Variants in PTPRF observed in about 807,000 individuals in gnomAD.
PTPRF encodes protein tyrosine phosphatase receptor type F, also known as receptor-type tyrosine-protein phosphatase F.
A neutral mutation model predicts 201.8 loss-of-function variants in PTPRF; 59 were observed. The ratio of observed to expected loss-of-function variants is 0.29; its 90% CI spans 0.24 to 0.36. PTPRF has a LOEUF of 0.36. PTPRF is among the 10% of genes least tolerant of loss of function. PTPRF has a pLI of 1.00. For synonymous variants in PTPRF, 1,088 were observed against 1,089.7 expected, an observed-to-expected ratio of 1.00 and a Z score of 0.03; for missense variants, 2,132 against 2,690.5, an observed-to-expected ratio of 0.79 and a Z score of 4.59.
At chr1:43,571,262 C>G (rs1646549426) in intron 6 of PTPRF, among the ~76,000 whole-genome samples, 1 of 152,164 alleles carries the variant, frequency 6.6e-6, no homozygotes. Context: ...CTTGCGACTT[C>G]CCTCTTCCTA....
rs1435718099 is a variant in PTPRF, at chr1:43,591,928, G to T, written c.1648G>T (p.Ala550Ser). The part of the protein sequence containing the change: ...IIMYELVYWA[A>S]EDEDQQHKVT... ...CATGTATGAACTGGTGTACTGGGCG[G>T]CAGAGGACGAAGACCAACAGGTGTG... is the stretch of plus-strand genomic sequence containing the variant. The change falls in exon 10 of 34, where the codon GCA becomes TCA. Residue 550 changes from alanine to serine, a missense_variant. By Grantham distance (99) the Ala-to-Ser change is moderately conservative. Coordinates refer to ENST00000359947, the MANE Select transcript of PTPRF (RefSeq NM_002840.5). The T allele has an allele frequency of 6.2e-7, 1 of 1,613,714 alleles. No homozygotes were observed. Among genetic ancestry groups the T allele is most frequent in the Non-Finnish European group, 8.5e-7 (1 of 1,179,984 alleles).
In PTPRF at chr1:43,532,660, C is replaced by G. The variant is rs183255408; in HGVS notation, c.-126+1570C>G. 106 of 158,630 alleles carry G rather than the reference C, an allele frequency of 6.7e-4. 1 individual carries two copies. The highest frequency in any genetic ancestry group is 1.5e-3 in the Admixed American group (24 of 15,530). 9.8% of individuals were successfully genotyped at this position (158,630 alleles called of 1,614,324 possible). ...GGATCCAGAAGAGAGTTCTGACAGGCTATCTAAGGAAATTTCTGTGCTTAG... is the reference window on the plus strand; with the variant it reads ...GGATCCAGAAGAGAGTTCTGACAGGGTATCTAAGGAAATTTCTGTGCTTAG... On this transcript the variant is annotated intron_variant, in intron 1 of 33. Coordinates refer to ENST00000359947, the MANE Select transcript of PTPRF (RefSeq NM_002840.5).
At chr1:43,578,181 T>TG (rs1350624016) in intron 6 of PTPRF, among the ~76,000 whole-genome samples, 1 of 152,068 alleles carries the variant, frequency 6.6e-6, no homozygotes, top group Non-Finnish European at 1.5e-5. Flanking sequence ...GCAGGAGCCG[T>TG]GGTGGGTCGA....
chr1:43,618,776 C>T, intron 26 of PTPRF, 27 bp downstream of exon 26: 1 of 1,586,142 alleles, frequency 6.3e-7, no homozygotes, highest in East Asian at 2.3e-5. Flanking sequence ...GTGCATATCT[C>T]TTACCCAGAC....
At chr1:43,575,808 T>C in intron 6 of PTPRF, 1 of 1,102,936 alleles carries the variant, frequency 9.1e-7, no homozygotes, top group Admixed American at 2.3e-5. Flanking sequence ...TTTAAGGCCC[T>C]TTCTTGTGTT....
At chr1:43,589,890 T>G (rs1263667005) in intron 8 of PTPRF, among the ~76,000 whole-genome samples, 2 of 151,856 alleles carry the variant, frequency 1.3e-5, no homozygotes, top group Non-Finnish European at 2.9e-5. Flanking sequence ...ACCAGATTCC[T>G]TCCTGGTCTC....
Position 43,605,568 on chromosome 1 carries a change from C to T in PTPRF, c.3429C>T (p.Gly1143=), listed in dbSNP as rs754498998. ...YIVVVPIDRV[G]GSMLTPRWST... is the part of the protein sequence containing the mutation. ...TTGTGGTGCCCATTGACCGTGTGGG[C>T]GGGAGCATGCTGACGCCAAGGTGGA... The change falls in exon 19 of 34, where the codon GGC becomes GGT. Residue 1143 remains glycine (G), a synonymous_variant. Coordinates refer to ENST00000359947, the MANE Select transcript of PTPRF (RefSeq NM_002840.5). 1.6e-5 allele frequency: 26 copies of T among 1,613,970 alleles called. No individual in the cohort carries two copies. The highest frequency in any genetic ancestry group is 8.3e-5 in the Admixed American group (5 of 60,008).
chr1:43,590,951 A>G (rs1407109288), intron 8 of PTPRF, 21 bp from the exon 9 acceptor site: 1 of 1,590,442 alleles, frequency 6.3e-7, no homozygotes, highest in Non-Finnish European at 8.6e-7. Context: ...GGCAGCTTTG[A>G]GCCTTCCACT....
At chr1:43,528,821 G>C (rs1643227154), upstream of PTPRF, 1 of 152,202 alleles carries the variant, frequency 6.6e-6, no homozygotes, top group South Asian at 2.1e-4. Context: ...GAGCTCACAG[G>C]AGCGGCCCAG....
intron 5 of PTPRF, among the ~76,000 whole-genome samples, chr1:43,560,382 T>G (rs10789435): frequency 0.7 from 106,845 of 151,756 alleles, 38,266 homozygotes; most frequent in Non-Finnish European, 0.78. Context: ...GTATGTGTGT[T>G]GATGTCAGAC....
chr1:43,619,607 C>T, intron 28 of PTPRF, 34 bp downstream of exon 28: 3 of 1,610,654 alleles, frequency 1.9e-6, no homozygotes, highest in African/African-American at 2.7e-5. Context: ...GGCTCCAGGG[C>T]CTAGACTGGG....
rs990750059 is a variant in PTPRF, at chr1:43,585,974, C to T, written c.680-2757C>T. On this transcript the variant is annotated intron_variant, in intron 7 of 33. Coordinates refer to ENST00000359947, the MANE Select transcript of PTPRF (RefSeq NM_002840.5). Reference sequence around the variant, plus strand: ...CTGGAGCAGCGTCCTCTCCTGCCAGCCTCTGCTAATTCTGATGCTTCTCCC... The same window carrying T: ...CTGGAGCAGCGTCCTCTCCTGCCAGTCTCTGCTAATTCTGATGCTTCTCCC... Among the ~76,000 whole-genome samples, 6 of 152,200 alleles carry T rather than the reference C, an allele frequency of 3.9e-5. No individual in the cohort carries two copies. The East Asian group carries it at 1.2e-3, about 29-fold the overall frequency.
intron 13 of PTPRF, among the ~76,000 whole-genome samples, chr1:43,599,546 C>T (rs1653224811): frequency 6.6e-6 from 1 of 152,186 alleles, no homozygotes; most frequent in Non-Finnish European, 1.5e-5. Flanking sequence ...TTGCCCTGCT[C>T]CTGGCCCTGC....
intron 29 of PTPRF, 71 bp from the exon 30 acceptor site, chr1:43,620,024 G>T (rs1658807353): frequency 1.9e-6 from 3 of 1,601,846 alleles, no homozygotes; most frequent in Non-Finnish European, 2.6e-6. Context: ...GCCCCAAGGG[G>T]CTAGGCAGCC....
chr1:43,576,251 C>A (rs1230526101), intron 6 of PTPRF, among the ~76,000 whole-genome samples: 2 of 152,248 alleles, frequency 1.3e-5, no homozygotes, highest in Non-Finnish European at 2.9e-5. Flanking sequence ...TTAGCCTGTC[C>A]CCCGGCTTCC....
At chr1:43,602,946 G>A (rs1311505399) in intron 14 of PTPRF, among the ~76,000 whole-genome samples, 2 of 152,192 alleles carry the variant, frequency 1.3e-5, no homozygotes, top group Non-Finnish European at 2.9e-5. Flanking sequence ...CTATAGGATG[G>A]CACCTTAGCC....
chr1:43,616,180 T>G (rs780370422), intron 23 of PTPRF, among the ~76,000 whole-genome samples: 11 of 151,118 alleles, frequency 7.3e-5, no homozygotes, highest in Middle Eastern at 3.4e-3. Context: ...GGACATTGCG[T>G]GCTATGCTGA....
At chr1:43,568,666 G>A (rs925696819) in intron 5 of PTPRF, among the ~76,000 whole-genome samples, 1 of 152,200 alleles carries the variant, frequency 6.6e-6, no homozygotes, top group Non-Finnish European at 1.5e-5. Flanking sequence ...CTGGACTTGT[G>A]CTTCCAAGGG....
intron 5 of PTPRF, among the ~76,000 whole-genome samples, chr1:43,564,258 G>A (rs937125167): frequency 2.4e-4 from 37 of 152,130 alleles, no homozygotes; most frequent in African/African-American, 8.0e-4. Flanking sequence ...GGCAGCCTTC[G>A]ACTTTTGGAA....
Sources: gnomAD v4.1 joint callset for allele counts (sites outside exome capture counted in the v4.1 genomes callset) on GRCh38, gnomAD v4.1.1 for gene constraint, MANE v1.5 for transcripts, NCBI Gene and HGNC (gene_info 2026-07-23, HGNC 2026-07-21) for gene names.